UTRN: variants seen among roughly 807,000 people sequenced by gnomAD.
UTRN encodes the protein utrophin.
Under a neutral mutation model 463.9 loss-of-function variants are expected in UTRN, and 283 were observed. The observed-to-expected ratio is 0.61, with a 90% CI of 0.55 to 0.67. The LOEUF (loss-of-function observed/expected upper bound fraction) is 0.67, where lower values mean the gene tolerates loss of function less well. Ranked by LOEUF, UTRN falls within the 30% of genes least tolerant of loss-of-function variation. The probability of loss-of-function intolerance (pLI) is 0.00; values close to 1 mark genes in which losing one functional copy is unlikely to be tolerated. For missense variants in UTRN, 3,922 were observed against 4,084.3 expected, an observed-to-expected ratio of 0.96 and a Z score of 1.08; for synonymous variants, 1,442 against 1,431.5, an observed-to-expected ratio of 1.01 and a Z score of -0.17.
intron 51 of UTRN, among the ~76,000 whole-genome samples, chr6:144,588,067 C>G (rs981981519): frequency 2.0e-5 from 3 of 152,052 alleles, no homozygotes; most frequent in African/African-American, 7.2e-5. Context: ...GTATGGATAC[C>G]CACACAGACT....
intron 2 of UTRN, among the ~76,000 whole-genome samples, chr6:144,323,469 G>A (rs1775791226): frequency 6.6e-6 from 1 of 152,130 alleles, no homozygotes; most frequent in Non-Finnish European, 1.5e-5. Flanking sequence ...GTGATAATCT[G>A]TTTTAAATGT....
intron 34 of UTRN, among the ~76,000 whole-genome samples, chr6:144,506,841 A>G (rs185140131): frequency 1.3e-5 from 2 of 152,192 alleles, no homozygotes; most frequent in East Asian, 3.9e-4. Flanking sequence ...TCTCTTGCAT[A>G]ATATCTTGAA....
chr6:144,550,207 C>T (rs934692226), intron 47 of UTRN, among the ~76,000 whole-genome samples: 2 of 152,026 alleles, frequency 1.3e-5, no homozygotes, highest in Non-Finnish European at 2.9e-5. Context: ...TTACCATGTG[C>T]CCTGGGATTT....
intron 62 of UTRN, among the ~76,000 whole-genome samples, chr6:144,791,395 C>G (rs1040256072): frequency 2.9e-4 from 44 of 152,074 alleles, no homozygotes; most frequent in African/African-American, 1.0e-3. Context: ...AGCTGGCTAG[C>G]TTCCTTGCCT....
chr6:144,660,957 T>C (rs1779809853), intron 51 of UTRN, among the ~76,000 whole-genome samples: 2 of 152,238 alleles, frequency 1.3e-5, no homozygotes, highest in Admixed American at 6.5e-5. Context: ...CATTTATAGT[T>C]AAAACAGAAA....
intron 51 of UTRN, among the ~76,000 whole-genome samples, chr6:144,665,699 G>A (rs777503642): frequency 3.9e-5 from 6 of 152,216 alleles, no homozygotes; most frequent in Non-Finnish European, 5.9e-5. Flanking sequence ...GTGAACCTCA[G>A]TGAGCTTTTG....
intron 51 of UTRN, among the ~76,000 whole-genome samples, chr6:144,618,186 T>C (rs765568017): frequency 5.9e-5 from 9 of 152,188 alleles, no homozygotes; most frequent in Non-Finnish European, 1.2e-4. Context: ...ATTAGGGTCA[T>C]AATTTTTAAT....
At chr6:144,433,325 C>G (rs953108269) in intron 9 of UTRN, among the ~76,000 whole-genome samples, 3 of 151,018 alleles carry the variant, frequency 2.0e-5, no homozygotes, top group Non-Finnish European at 4.4e-5. Context: ...CTGAACCCCC[C>G]ACCTCCCTCC....
intron 27 of UTRN, among the ~76,000 whole-genome samples, 181 bp from the exon 28 acceptor site, chr6:144,485,204 G>T (rs74981085): frequency 1.3e-5 from 2 of 152,080 alleles, no homozygotes; most frequent in Non-Finnish European, 2.9e-5. Flanking sequence ...GATTACAGGC[G>T]TGAGCCACCA....
At chr6:144,590,911 G>T (rs992758196) in intron 51 of UTRN, among the ~76,000 whole-genome samples, 2 of 151,112 alleles carry the variant, frequency 1.3e-5, no homozygotes, top group East Asian at 3.9e-4. Flanking sequence ...TAAGGTTGTT[G>T]TAGGAGTTAA....
chr6:144,569,908 T>C (rs1490593269), intron 50 of UTRN, among the ~76,000 whole-genome samples: 1 of 152,144 alleles, frequency 6.6e-6, no homozygotes, highest in Non-Finnish European at 1.5e-5. Context: ...TCAAGCAATG[T>C]GGCAACCTCT....
rs748632764 is a variant in UTRN at position 144,827,674 on chromosome 6, A to G, written c.9597A>G (p.Thr3199=). The G allele has an allele frequency of 3.7e-6, 6 of 1,613,596 alleles. No individual in the cohort carries two copies. The highest frequency in any genetic ancestry group is 3.4e-6 in the Non-Finnish European group (4 of 1,179,664). The change falls in exon 68 of 75, where the codon ACA becomes ACG. Residue 3199 remains threonine (T), a splice_region_variant and synonymous_variant. Transcript: ENST00000367545. Reference sequence around the variant, plus strand: ...ATTCAAGAATAGAACAATATGCCACACGGTAAGAAACTTTGATCAGAGCCC... The same window carrying G: ...ATTCAAGAATAGAACAATATGCCACGCGGTAAGAAACTTTGATCAGAGCCC... ...DTHSRIEQYA[T]RLAQMERTNG...
intron 2 of UTRN, among the ~76,000 whole-genome samples, chr6:144,385,971 A>C (rs1046841828): frequency 6.6e-5 from 10 of 152,138 alleles, no homozygotes; most frequent in Non-Finnish European, 1.5e-5. Context: ...AGCCTCCCAA[A>C]GTGCTGGGAT....
chr6:144,429,449 C>A, intron 8 of UTRN, 132 bp from the exon 9 acceptor site: 1 of 687,840 alleles, frequency 1.5e-6, no homozygotes, highest in Non-Finnish European at 2.2e-6. Flanking sequence ...TGGCAATTTA[C>A]TGGTATTGCA....
intron 51 of UTRN, chr6:144,583,603 A>G: frequency 1.4e-6 from 1 of 691,622 alleles, no homozygotes; most frequent in South Asian, 1.6e-5. Context: ...TCTGTAAGGT[A>G]ACTGAGTGAT....
At chr6:144,812,050 G>T (rs901455602) in intron 65 of UTRN, among the ~76,000 whole-genome samples, 1 of 152,038 alleles carries the variant, frequency 6.6e-6, no homozygotes, top group African/African-American at 2.4e-5. Flanking sequence ...CCACTGTTTG[G>T]AGCATTAAGG....
chr6:144,400,906 T>G (rs9496956), intron 2 of UTRN, among the ~76,000 whole-genome samples: 19,293 of 152,174 alleles, frequency 0.13, 4,102 homozygotes, highest in African/African-American at 0.44. Context: ...CCATAAATTT[T>G]ATTTCATTTC....
intron 23 of UTRN, among the ~76,000 whole-genome samples, chr6:144,473,468 T>C (rs1790873301): frequency 6.6e-6 from 1 of 152,228 alleles, no homozygotes; most frequent in Non-Finnish European, 1.5e-5. Context: ...ATTGCTTGCA[T>C]TTAAGCAAAA....
chr6:144,469,703 C>CTTTT (rs545551155), intron 23 of UTRN, among the ~76,000 whole-genome samples: 3 of 135,710 alleles, frequency 2.2e-5, no homozygotes, highest in African/African-American at 9.1e-5. Flanking sequence ...TGTTTCTTTC[C>CTTTT]TTTTTTTTTT....
Sources: allele counts gnomAD v4.1 joint callset (sites outside exome capture counted in the v4.1 genomes callset), GRCh38; gene constraint gnomAD v4.1.1; transcripts MANE v1.5; gene names NCBI Gene and HGNC (gene_info 2026-07-23, HGNC 2026-07-21).